The following ENTREP2 variants were observed in gnomAD, a reference collection of about 807,000 sequenced individuals.
ENTREP2 encodes protein ENTREP2.
At chr15:29,442,337 C>T in the ENTREP2 span, among the ~76,000 whole-genome samples, 1 of 152,192 alleles carries the variant, frequency 6.6e-6, no homozygotes, top group Non-Finnish European at 1.5e-5. Flanking sequence ...GCTACTCTGA[C>T]TTGGGAAGAC....
the ENTREP2 span, among the ~76,000 whole-genome samples, chr15:29,574,385 C>T: frequency 6.6e-6 from 1 of 152,190 alleles, no homozygotes; most frequent in African/African-American, 2.4e-5. Flanking sequence ...CCTCCACCTC[C>T]TGAGTTCAAG....
the ENTREP2 span, among the ~76,000 whole-genome samples, chr15:29,202,121 C>T: frequency 3.9e-5 from 6 of 152,070 alleles, no homozygotes; most frequent in African/African-American, 1.4e-4. Flanking sequence ...AGTTATATCC[C>T]GGTTTCTTCC....
chr15:29,653,817 T>C, the ENTREP2 span, among the ~76,000 whole-genome samples: 1 of 152,228 alleles, frequency 6.6e-6, no homozygotes, highest in Non-Finnish European at 1.5e-5. Context: ...TTGTCCTTAA[T>C]ACACGTGGTC....
chr15:29,372,425 A>G, the ENTREP2 span, among the ~76,000 whole-genome samples: 4 of 152,198 alleles, frequency 2.6e-5, no homozygotes, highest in Non-Finnish European at 4.4e-5. Context: ...TGACTATGTG[A>G]TCAGTAAGGC....
the ENTREP2 span, among the ~76,000 whole-genome samples, chr15:29,628,694 C>T: frequency 1.3e-5 from 2 of 152,006 alleles, no homozygotes; most frequent in Non-Finnish European, 2.9e-5. Context: ...GATGTTCTGT[C>T]CTTTGGTGTT....
chr15:29,365,650 T>C, the ENTREP2 span, among the ~76,000 whole-genome samples: 2 of 151,968 alleles, frequency 1.3e-5, no homozygotes, highest in African/African-American at 4.8e-5. Flanking sequence ...GGAATATAGT[T>C]TCCAAAAATT....
chr15:29,391,696 G>T, the ENTREP2 span, among the ~76,000 whole-genome samples: 1 of 152,132 alleles, frequency 6.6e-6, no homozygotes, highest in African/African-American at 2.4e-5. Context: ...TAGGGTAGCT[G>T]CTGGATTTTG....
At chr15:29,336,446 G>C in the ENTREP2 span, among the ~76,000 whole-genome samples, 94,613 of 151,394 alleles carry the variant, frequency 0.62, 33,230 homozygotes, top group Non-Finnish European at 0.77. Context: ...AAGCAGCTGG[G>C]ACTATAGGCA....
At chr15:29,141,552 C>T in the ENTREP2 span, among the ~76,000 whole-genome samples, 1 of 152,158 alleles carries the variant, frequency 6.6e-6, no homozygotes, top group African/African-American at 2.4e-5. Flanking sequence ...CTCCAGGTCC[C>T]AGCCGGGTCT....
chr15:29,476,427 C>T, the ENTREP2 span, among the ~76,000 whole-genome samples: 4 of 152,142 alleles, frequency 2.6e-5, no homozygotes, highest in Non-Finnish European at 4.4e-5. Context: ...GAGAAAATGA[C>T]GTTAGAATGC....
the ENTREP2 span, among the ~76,000 whole-genome samples, chr15:29,604,276 G>T: frequency 2.0e-5 from 3 of 152,172 alleles, no homozygotes; most frequent in African/African-American, 7.2e-5. Flanking sequence ...GAATTTTTTA[G>T]ACCAAATAAC....
chr15:29,292,770 T>C, the ENTREP2 span, among the ~76,000 whole-genome samples: 3 of 152,190 alleles, frequency 2.0e-5, no homozygotes, highest in Non-Finnish European at 1.5e-5. Context: ...GGTCTCCATC[T>C]AGAAGCTGTA....
the ENTREP2 span, among the ~76,000 whole-genome samples, chr15:29,469,010 A>G: frequency 5.1e-3 from 775 of 152,204 alleles, 7 homozygotes; most frequent in African/African-American, 0.018. Flanking sequence ...TTTCTTCCCT[A>G]GGGCTCCGGC....
the ENTREP2 span, among the ~76,000 whole-genome samples, chr15:29,635,268 G>C: frequency 6.6e-6 from 1 of 152,180 alleles, no homozygotes; most frequent in Non-Finnish European, 1.5e-5. Context: ...GGTGTTGCTC[G>C]TAACCAGCCC....
the ENTREP2 span, among the ~76,000 whole-genome samples, chr15:29,305,191 G>A: frequency 2.0e-5 from 3 of 152,216 alleles, no homozygotes; most frequent in Admixed American, 2.0e-4. Flanking sequence ...CTTATCAAAT[G>A]CAAAGATAAA....
chr15:29,602,324 T>G, the ENTREP2 span, among the ~76,000 whole-genome samples: 8 of 152,206 alleles, frequency 5.3e-5, no homozygotes, highest in African/African-American at 1.9e-4. Context: ...ACTGTGTAGA[T>G]GTAACACAGT....
chr15:29,444,478 T>C, the ENTREP2 span, among the ~76,000 whole-genome samples: 1 of 151,148 alleles, frequency 6.6e-6, no homozygotes, highest in African/African-American at 2.4e-5. Flanking sequence ...TTTTTTTCTT[T>C]TTTTTCTTTT....
the ENTREP2 span, among the ~76,000 whole-genome samples, chr15:29,605,027 A>ATG: frequency 5.9e-5 from 9 of 152,334 alleles, no homozygotes; most frequent in African/African-American, 2.2e-4. Flanking sequence ...CAGCTTAGAA[A>ATG]TGTACAGATA....
At chr15:29,653,562 G>C in the ENTREP2 span, among the ~76,000 whole-genome samples, 123 of 152,180 alleles carry the variant, frequency 8.1e-4, no homozygotes, top group Non-Finnish European at 2.5e-4. Context: ...CCGATGGTTT[G>C]ATAAGTGTTT....
Sources: allele counts gnomAD v4.1 joint callset (sites outside exome capture counted in the v4.1 genomes callset), GRCh38; gene constraint gnomAD v4.1.1; transcripts MANE v1.5; gene names NCBI Gene and HGNC (gene_info 2026-07-23, HGNC 2026-07-21).